The following TAFA5 variants were observed in gnomAD, a reference collection of about 807,000 sequenced individuals.
TAFA5 encodes the protein chemokine-like protein TAFA-5.
Under a neutral mutation model 15.3 loss-of-function variants are expected in TAFA5, and 6 were observed. That is an observed-to-expected ratio of 0.39 (90% CI 0.21 to 0.77). TAFA5 has a LOEUF of 0.77. TAFA5 is among the 30% of genes least tolerant of loss of function. The pLI is 0.41. For missense variants in TAFA5, 161 were observed against 193.1 expected (o/e 0.83, Z 0.98); for synonymous variants, 103 against 80.7 (o/e 1.28, Z -1.48).
At chr22:48,568,165 G>A (rs1923468966) in intron 1 of TAFA5, among the ~76,000 whole-genome samples, 1 of 152,228 alleles carries the variant, frequency 6.6e-6, no homozygotes, top group African/African-American at 2.4e-5. Flanking sequence ...TGCCCAGACT[G>A]CGGCCTCAGC....
chr22:48,638,727 C>A (rs1422247878), intron 1 of TAFA5, among the ~76,000 whole-genome samples: 2 of 145,936 alleles, frequency 1.4e-5, no homozygotes, highest in Non-Finnish European at 3.0e-5. Context: ...AGGGGGGACC[C>A]CGACACTAAG....
At chr22:48,585,666 CCACA>C (rs1213490569) in intron 1 of TAFA5, among the ~76,000 whole-genome samples, 1 of 136,310 alleles carries the variant, frequency 7.3e-6, no homozygotes, top group African/African-American at 2.5e-5. Context: ...TGCACACACA[CCACA>C]CACACCACAA....
At chr22:48,593,054 C>G (rs949152894) in intron 1 of TAFA5, among the ~76,000 whole-genome samples, 1 of 152,160 alleles carries the variant, frequency 6.6e-6, no homozygotes, top group African/African-American at 2.4e-5. Flanking sequence ...CTGCAGCCGT[C>G]GGAACTGAGA....
At chr22:48,715,076 A>C (rs1225529311) in intron 3 of TAFA5, among the ~76,000 whole-genome samples, 1 of 152,248 alleles carries the variant, frequency 6.6e-6, no homozygotes, top group Non-Finnish European at 1.5e-5. Flanking sequence ...CATGCCTGGA[A>C]AGAACCTATT....
intron 1 of TAFA5, among the ~76,000 whole-genome samples, chr22:48,614,751 C>A (rs890234943): frequency 1.4e-4 from 22 of 152,324 alleles, no homozygotes; most frequent in Admixed American, 7.2e-4. Context: ...GCTGCGCGTC[C>A]TGTTGACCGA....
At position 48,495,217 on chromosome 22, in the gene TAFA5, G is replaced by A. The variant is rs1928285144; in HGVS notation, c.112+5513G>A. Among the ~76,000 whole-genome samples, 4 of 152,224 alleles carry A rather than the reference G, an allele frequency of 2.6e-5. No homozygotes were observed. The South Asian group carries it at 8.3e-4, about 31-fold the overall frequency. On this transcript the variant is annotated intron_variant, in intron 1 of 3. Coordinates refer to ENST00000402357, the MANE Select transcript of TAFA5 (RefSeq NM_001082967.3). Reference sequence around the variant, plus strand: ...GAAGGAGGCAGGAGTGGTGGAGCTGGCTGCAGGCTTGCGGGTGAAGCTGGA... The same window carrying A: ...GAAGGAGGCAGGAGTGGTGGAGCTGACTGCAGGCTTGCGGGTGAAGCTGGA...
intron 1 of TAFA5, among the ~76,000 whole-genome samples, chr22:48,614,552 C>T (rs1039053457): frequency 6.6e-6 from 1 of 152,158 alleles, no homozygotes; most frequent in Non-Finnish European, 1.5e-5. Flanking sequence ...CAAGTGCCCT[C>T]CCCCAGGGCT....
intron 2 of TAFA5, among the ~76,000 whole-genome samples, chr22:48,670,730 G>A (rs971032409): frequency 6.6e-6 from 1 of 152,362 alleles, no homozygotes. Context: ...ATGCTGGGTT[G>A]AGGCATTTTG....
chr22:48,732,148 G>T (rs1196168499), intron 3 of TAFA5, among the ~76,000 whole-genome samples: 1 of 152,250 alleles, frequency 6.6e-6, no homozygotes. Context: ...ACTCGATTTG[G>T]AAGTGGAGTC....
rs79201706 is a variant in TAFA5 at position 48,587,104 on chromosome 22, T to G, written c.113-59493T>G. 3.3e-3 allele frequency among the ~76,000 whole-genome samples: 497 copies of G among 152,360 alleles called. 7 individuals carry two copies. The East Asian group carries it at 0.047, about 14-fold the overall frequency. ...CTTCATGGCACATGCAGGTCTCTCT[T>G]CATGCTTTGGGTGTGGAAGCCGTCG... On this transcript the variant is annotated intron_variant, in intron 1 of 3. Transcript: ENST00000402357.
intron 1 of TAFA5, among the ~76,000 whole-genome samples, chr22:48,539,805 G>A (rs985454719): frequency 1.3e-5 from 2 of 152,222 alleles, no homozygotes; most frequent in African/African-American, 4.8e-5. Flanking sequence ...CCCCCAGGAC[G>A]TGATACGTCG....
At chr22:48,614,152 G>A (rs1439050688) in intron 1 of TAFA5, among the ~76,000 whole-genome samples, 1 of 152,168 alleles carries the variant, frequency 6.6e-6, no homozygotes, top group East Asian at 1.9e-4. Context: ...GCCCCTGTCT[G>A]GGGCCCCCAG....
At chr22:48,702,315 C>T (rs1343680092) in intron 2 of TAFA5, among the ~76,000 whole-genome samples, 1 of 152,090 alleles carries the variant, frequency 6.6e-6, no homozygotes, top group Admixed American at 6.5e-5. Context: ...GCACTGCTGG[C>T]CCAGGGCCTG....
At chr22:48,573,753 T>C (rs573241102) in intron 1 of TAFA5, among the ~76,000 whole-genome samples, 1 of 152,338 alleles carries the variant, frequency 6.6e-6, no homozygotes, top group Admixed American at 6.5e-5. Flanking sequence ...TTTATCCTCT[T>C]TAATTCTCTT....
chr22:48,736,821 A>G (rs1930042844), intron 3 of TAFA5, among the ~76,000 whole-genome samples: 1 of 152,202 alleles, frequency 6.6e-6, no homozygotes, highest in Non-Finnish European at 1.5e-5. Flanking sequence ...CGTGGCCGCC[A>G]GGGTCCAGGA....
intron 3 of TAFA5, among the ~76,000 whole-genome samples, chr22:48,720,188 T>C (rs1015932733): frequency 3.3e-5 from 5 of 152,096 alleles, no homozygotes; most frequent in Non-Finnish European, 7.4e-5. Flanking sequence ...TGCCCCCTAC[T>C]GGTCAGAAAG....
chr22:48,502,566 G>A (rs949631200), intron 1 of TAFA5, among the ~76,000 whole-genome samples: 3 of 146,052 alleles, frequency 2.1e-5, no homozygotes, highest in African/African-American at 7.7e-5. Flanking sequence ...CTGTCTCCCA[G>A]CCTGGAGTGA....
chr22:48,620,078 C>T (rs1436974496), intron 1 of TAFA5, among the ~76,000 whole-genome samples: 2 of 152,150 alleles, frequency 1.3e-5, no homozygotes, highest in African/African-American at 2.4e-5. Context: ...AGGATGGCGG[C>T]GTCGAGGAAG....
intron 1 of TAFA5, among the ~76,000 whole-genome samples, chr22:48,531,030 G>A (rs892446591): frequency 1.3e-5 from 2 of 152,088 alleles, no homozygotes; most frequent in Non-Finnish European, 2.9e-5. Flanking sequence ...GGCAAGAGCT[G>A]GTCATGGGTG....
Sources: allele counts gnomAD v4.1 joint callset (sites outside exome capture counted in the v4.1 genomes callset), GRCh38; gene constraint gnomAD v4.1.1; transcripts MANE v1.5; gene names NCBI Gene and HGNC (gene_info 2026-07-23, HGNC 2026-07-21).